The following DAB1 variants were observed in gnomAD, a reference collection of about 807,000 sequenced individuals.
DAB1 encodes disabled homolog 1.
DAB1 carries 15 observed loss-of-function variants against 64.6 expected under a neutral mutation model. The observed-to-expected ratio is 0.23, with a 90% CI of 0.16 to 0.36. The LOEUF (loss-of-function observed/expected upper bound fraction) is 0.36. Among genes scored for constraint, DAB1 ranks in the 10% least tolerant of loss-of-function variants. The probability of loss-of-function intolerance (pLI) is 1.00; values close to 1 mark genes in which losing one functional copy is unlikely to be tolerated. For synonymous variants in DAB1, 235 were observed against 251.9 expected (o/e 0.93, Z 0.64); for missense variants, 596 against 706.7 (o/e 0.84, Z 1.78).
intron 5 of DAB1, among the ~76,000 whole-genome samples, chr1:58,099,877 CTT>C (rs1197570086): frequency 2.0e-5 from 3 of 152,208 alleles, no homozygotes; most frequent in African/African-American, 4.8e-5. Flanking sequence ...TCTGGTCTGT[CTT>C]ATCATGCTGC....
Position 57,088,410 on chromosome 1 carries a change from C to T in DAB1, c.307-15996G>A, listed in dbSNP as rs571577309. ...TTTCTAAGAGATCAAAGCCACGTCCCTAGGATGGCCCTAGTCTCCCTTAAA... is the reference window on the plus strand; with the variant it reads ...TTTCTAAGAGATCAAAGCCACGTCCTTAGGATGGCCCTAGTCTCCCTTAAA... On this transcript the variant is annotated intron_variant, in intron 4 of 14. Coordinates refer to ENST00000371236, the MANE Select transcript of DAB1 (RefSeq NM_001365792.1). Among the ~76,000 whole-genome samples the T allele has an allele frequency of 1.5e-3, 228 of 152,308 alleles. 2 individuals carry two copies. The highest frequency in any genetic ancestry group is 5.3e-3 in the African/African-American group (221 of 41,560).
At chr1:57,574,290 A>G (rs995764308) in intron 7 of DAB1, among the ~76,000 whole-genome samples, 6 of 152,116 alleles carry the variant, frequency 3.9e-5, no homozygotes, top group African/African-American at 1.4e-4. Flanking sequence ...TGTGGGAGGT[A>G]CAGAGGGGAA....
At chr1:57,182,500 G>A (rs555935754) in intron 2 of DAB1, among the ~76,000 whole-genome samples, 6 of 152,260 alleles carry the variant, frequency 3.9e-5, no homozygotes, top group African/African-American at 1.4e-4. Flanking sequence ...GCCCCTTACT[G>A]TTTACATACT....
intron 3 of DAB1, among the ~76,000 whole-genome samples, chr1:58,485,951 AAT>A (rs1409502336): frequency 6.6e-6 from 1 of 152,190 alleles, no homozygotes; most frequent in Non-Finnish European, 1.5e-5. Flanking sequence ...TAATAGCAAG[AAT>A]ATATGGTTCT....
At chr1:57,044,284 G>C (rs1648180075) in intron 9 of DAB1, among the ~76,000 whole-genome samples, 1 of 152,212 alleles carries the variant, frequency 6.6e-6, no homozygotes, top group Admixed American at 6.5e-5. Context: ...GACTTGGTTT[G>C]ACTTGTACCT....
rs1646308125 is a variant in DAB1, at chr1:57,655,554, TAACA to T, written n.552-5893_552-5890del. 7.2e-5 allele frequency among the ~76,000 whole-genome samples: 11 copies of T among 152,324 alleles called. No homozygotes were observed. The South Asian group carries it at 2.1e-3, about 29-fold the overall frequency. ...ACTGATTTGAACACTGGGGATTTAATAACAAACTAGACTTACATTCCTACCCTTA... is the reference window on the plus strand; with the variant it reads ...ACTGATTTGAACACTGGGGATTTAATAACTAGACTTACATTCCTACCCTTA... On this transcript the variant is annotated intron_variant and non_coding_transcript_variant, in intron 6 of 20. Coordinates refer to the DAB1 transcript ENST00000485760.
chr1:57,108,818 C>T (rs573024361), intron 4 of DAB1, among the ~76,000 whole-genome samples: 1 of 152,226 alleles, frequency 6.6e-6, no homozygotes, highest in South Asian at 2.1e-4. Context: ...ATAGTACCTT[C>T]TGCAATGTGT....
At chr1:57,336,996 A>C (rs918781197) in intron 1 of DAB1, among the ~76,000 whole-genome samples, 1 of 150,222 alleles carries the variant, frequency 6.7e-6, no homozygotes. Context: ...ACTCACAAAC[A>C]GAGAGTGTGT....
At chr1:58,532,834 T>A (rs1357125833) in intron 1 of DAB1, among the ~76,000 whole-genome samples, 1 of 152,194 alleles carries the variant, frequency 6.6e-6, no homozygotes, top group East Asian at 1.9e-4. Context: ...TCAAGAAAAA[T>A]GTTTTTAAAA....
At chr1:58,070,537 C>T (rs1051239753) in intron 5 of DAB1, among the ~76,000 whole-genome samples, 8 of 152,162 alleles carry the variant, frequency 5.3e-5, no homozygotes, top group Admixed American at 2.0e-4. Context: ...TGGCTTTAAC[C>T]AGGAGCATGA....
chr1:57,929,646 G>A (rs1235293220), intron 5 of DAB1, among the ~76,000 whole-genome samples: 1 of 152,178 alleles, frequency 6.6e-6, no homozygotes, highest in Non-Finnish European at 1.5e-5. Flanking sequence ...AGTTCTACAA[G>A]TCATATGGGA....
At chr1:57,909,451 CTTT>C (rs1286967290) in intron 5 of DAB1, among the ~76,000 whole-genome samples, 2 of 152,026 alleles carry the variant, frequency 1.3e-5, no homozygotes, top group African/African-American at 4.8e-5. Context: ...AATGTGTTTT[CTTT>C]GTTTTATTTT....
intron 4 of DAB1, among the ~76,000 whole-genome samples, chr1:58,243,383 T>G (rs1407779920): frequency 6.6e-6 from 1 of 152,288 alleles, no homozygotes; most frequent in Admixed American, 6.5e-5. Flanking sequence ...AAATGAATTC[T>G]TTATTTGGTA....
chr1:57,043,213 G>A (rs1387939537), intron 9 of DAB1, among the ~76,000 whole-genome samples: 1 of 152,146 alleles, frequency 6.6e-6, no homozygotes, highest in African/African-American at 2.4e-5. Flanking sequence ...TTAGCAATTA[G>A]TGGGTGACTA....
At chr1:58,455,353 G>T (rs1389314704) in intron 3 of DAB1, among the ~76,000 whole-genome samples, 2 of 152,234 alleles carry the variant, frequency 1.3e-5, no homozygotes, top group African/African-American at 4.8e-5. Flanking sequence ...CATCAGGGAG[G>T]GGTGCTTCTA....
intron 5 of DAB1, among the ~76,000 whole-genome samples, chr1:57,902,809 A>G (rs72918602): frequency 0.028 from 4,196 of 152,244 alleles, 174 homozygotes; most frequent in African/African-American, 0.097. Context: ...TTGAGACTGT[A>G]TTTAAGACCA....
At chr1:57,926,374 G>A (rs952425850) in intron 5 of DAB1, among the ~76,000 whole-genome samples, 2 of 152,068 alleles carry the variant, frequency 1.3e-5, no homozygotes, top group Admixed American at 1.3e-4. Flanking sequence ...ATTATATATT[G>A]GTCACCTACC....
intron 2 of DAB1, among the ~76,000 whole-genome samples, chr1:57,190,100 T>C (rs1663989471): frequency 1.3e-5 from 2 of 152,150 alleles, no homozygotes; most frequent in African/African-American, 4.8e-5. Context: ...TGCATTAGAA[T>C]CACCTGGAGG....
At position 57,625,008 on chromosome 1, in the gene DAB1, A is replaced by T. The variant is rs1160578165; in HGVS notation, n.625+24584T>A. On this transcript the variant is annotated intron_variant and non_coding_transcript_variant, in intron 7 of 20. Coordinates refer to the DAB1 transcript ENST00000485760. ...TATAATTTAATGCAAATGTATTCAA[A>T]TAATTATAGGACGAAAAGTCAACAA... Among the ~76,000 whole-genome samples, 13 of 152,310 alleles carry T rather than the reference A, an allele frequency of 8.5e-5. No homozygotes were observed. In the South Asian group the frequency reaches 2.7e-3, roughly 32 times the overall value.
Sources: allele counts gnomAD v4.1 joint callset (sites outside exome capture counted in the v4.1 genomes callset), GRCh38; gene constraint gnomAD v4.1.1; transcripts MANE v1.5; gene names NCBI Gene and HGNC (gene_info 2026-07-23, HGNC 2026-07-21).